PTPRT: variants seen among roughly 807,000 people sequenced by gnomAD.
PTPRT encodes the protein protein tyrosine phosphatase receptor type T, also known as receptor-type tyrosine-protein phosphatase T.
A neutral mutation model predicts 176.8 loss-of-function variants in PTPRT; 56 were observed. The ratio of observed to expected loss-of-function variants is 0.32; its 90% CI spans 0.26 to 0.40. PTPRT has a LOEUF of 0.40. Ranked by LOEUF, PTPRT falls within the 10% of genes least tolerant of loss-of-function variation. The pLI is 1.00. For synonymous variants in PTPRT, 783 were observed against 739.0 expected (o/e 1.06, Z -0.96); for missense variants, 1,540 against 1,908.2 (o/e 0.81, Z 3.60).
At chr20:42,670,965 TTGAGGGTAACAA>T (rs1276754684) in intron 7 of PTPRT, among the ~76,000 whole-genome samples, 1 of 152,114 alleles carries the variant, frequency 6.6e-6, no homozygotes, top group African/African-American at 2.4e-5. Flanking sequence ...GGAGGCCTAT[TTGAGGGTAACAA>T]TGAGGAAGAG....
intron 1 of PTPRT, among the ~76,000 whole-genome samples, chr20:43,039,689 T>C (rs1986527285): frequency 6.6e-6 from 1 of 151,898 alleles, no homozygotes; most frequent in Admixed American, 6.6e-5. Flanking sequence ...TACTGCAACA[T>C]AAATGATAAA....
chr20:42,192,723 C>T (rs1179589139), intron 16 of PTPRT, among the ~76,000 whole-genome samples: 1 of 152,176 alleles, frequency 6.6e-6, no homozygotes, highest in Non-Finnish European at 1.5e-5. Flanking sequence ...AACCATTTGT[C>T]TCCACTGCCA....
chr20:42,688,810 T>C (rs2075743789), intron 6 of PTPRT, among the ~76,000 whole-genome samples: 1 of 152,118 alleles, frequency 6.6e-6, no homozygotes, highest in Admixed American at 6.5e-5. Flanking sequence ...ACATGAAGGC[T>C]GGGAGATATC....
intron 1 of PTPRT, among the ~76,000 whole-genome samples, chr20:43,024,684 T>A (rs1203860668): frequency 1.1e-4 from 17 of 152,114 alleles, no homozygotes; most frequent in Admixed American, 1.1e-3. Context: ...AAGTATTGAC[T>A]TGAGTAGAAA....
intron 27 of PTPRT, among the ~76,000 whole-genome samples, chr20:42,089,782 C>T (rs962341057): frequency 2.6e-5 from 4 of 152,064 alleles, no homozygotes; most frequent in Admixed American, 6.6e-5. Context: ...CTCTGCAGCC[C>T]GGGACACTGC....
chr20:42,922,796 C>G (rs528668068), intron 1 of PTPRT, among the ~76,000 whole-genome samples: 3 of 152,272 alleles, frequency 2.0e-5, no homozygotes, highest in Admixed American at 6.5e-5. Context: ...GTCACTCAAA[C>G]GCACTGTAGT....
chr20:43,093,287 C>A (rs2011963555), intron 1 of PTPRT, among the ~76,000 whole-genome samples: 1 of 152,208 alleles, frequency 6.6e-6, no homozygotes, highest in African/African-American at 2.4e-5. Flanking sequence ...GGTATCAGGG[C>A]AGGTGGGTGT....
At chr20:42,380,414 C>T (rs2058687966) in intron 9 of PTPRT, among the ~76,000 whole-genome samples, 1 of 152,176 alleles carries the variant, frequency 6.6e-6, no homozygotes, top group African/African-American at 2.4e-5. Flanking sequence ...CCTGGGCCTT[C>T]CCTCCATGCA....
At chr20:42,920,832 C>T (rs1175671863) in intron 1 of PTPRT, among the ~76,000 whole-genome samples, 2 of 152,082 alleles carry the variant, frequency 1.3e-5, no homozygotes, top group Non-Finnish European at 2.9e-5. Context: ...CAAGTAAGAC[C>T]AAGAGGGTTT....
intron 3 of PTPRT, among the ~76,000 whole-genome samples, chr20:42,790,067 G>A (rs1215644923): frequency 2.0e-5 from 3 of 152,196 alleles, no homozygotes; most frequent in Non-Finnish European, 4.4e-5. Context: ...GAGATTAACT[G>A]CAAATGAGCA....
At chr20:42,653,989 C>A (rs1600554718) in intron 7 of PTPRT, among the ~76,000 whole-genome samples, 1 of 152,152 alleles carries the variant, frequency 6.6e-6, no homozygotes, top group East Asian at 1.9e-4. Context: ...TTCCATAAGT[C>A]CTGAAATCTC....
chr20:42,036,734 G>A, the PTPRT span, among the ~76,000 whole-genome samples: 1 of 152,214 alleles, frequency 6.6e-6, no homozygotes, highest in African/African-American at 2.4e-5. Context: ...TTCAGCCAGA[G>A]AGGCCACAGT....
At chr20:43,169,599 T>C (rs2014944807) in intron 1 of PTPRT, among the ~76,000 whole-genome samples, 1 of 152,234 alleles carries the variant, frequency 6.6e-6, no homozygotes, top group Non-Finnish European at 1.5e-5. Context: ...AGTCACATGC[T>C]GTCAACTCTC....
intron 5 of PTPRT, among the ~76,000 whole-genome samples, chr20:42,761,472 T>C (rs907894090): frequency 6.6e-6 from 1 of 151,872 alleles, no homozygotes; most frequent in East Asian, 1.9e-4. Context: ...AAGTGAAATA[T>C]CTAGCGCCAT....
chr20:42,988,140 C>T (rs775546797), intron 1 of PTPRT, among the ~76,000 whole-genome samples: 12 of 152,254 alleles, frequency 7.9e-5, no homozygotes, highest in South Asian at 4.2e-4. Flanking sequence ...ATCTTGGAGA[C>T]GGGCCACTGA....
At chr20:42,231,109 G>A (rs980828730) in intron 15 of PTPRT, among the ~76,000 whole-genome samples, 12 of 151,292 alleles carry the variant, frequency 7.9e-5, no homozygotes, top group East Asian at 3.9e-4. Context: ...CTGCCCCAGC[G>A]GCCTCCTTAC....
At chr20:42,622,236 T>C (rs1486878186) in intron 7 of PTPRT, among the ~76,000 whole-genome samples, 7 of 148,976 alleles carry the variant, frequency 4.7e-5, no homozygotes, top group Non-Finnish European at 1.0e-4. Flanking sequence ...TTTTTCTCTA[T>C]GGACTTAAAT....
At chr20:42,304,578 A>G (rs1025545940) in intron 12 of PTPRT, among the ~76,000 whole-genome samples, 1 of 152,196 alleles carries the variant, frequency 6.6e-6, no homozygotes, top group Non-Finnish European at 1.5e-5. Flanking sequence ...AATCTATGCA[A>G]CAGGAAAGAC....
chr20:42,553,915 C>T (rs529577400), intron 7 of PTPRT, among the ~76,000 whole-genome samples: 19 of 152,080 alleles, frequency 1.2e-4, no homozygotes, highest in East Asian at 5.8e-4. Flanking sequence ...TCTGAGCAAC[C>T]GTTTGGTGAA....
Sources: allele counts gnomAD v4.1 joint callset (sites outside exome capture counted in the v4.1 genomes callset), GRCh38; gene constraint gnomAD v4.1.1; transcripts MANE v1.5; gene names NCBI Gene and HGNC (gene_info 2026-07-23, HGNC 2026-07-21).